TOGARAM2: variants seen among roughly 807,000 people sequenced by gnomAD.
TOGARAM2 encodes the protein TOG array regulator of axonemal microtubules 2.
TOGARAM2 carries 85 observed loss-of-function variants against 93.3 expected under a neutral mutation model. The observed-to-expected ratio is 0.91, with a 90% CI of 0.76 to 1.09. The LOEUF is 1.09. TOGARAM2 is among the 50% of genes least tolerant of loss of function. The pLI is 0.00. For missense variants in TOGARAM2, 1,277 were observed against 1,334.5 expected (o/e 0.96, Z 0.67); for synonymous variants, 593 against 552.8 (o/e 1.07, Z -1.02).
At chr2:29,032,681 C>A in intron 14 of TOGARAM2, 1 of 420,086 alleles carries the variant, frequency 2.4e-6, no homozygotes, top group East Asian at 4.5e-5. Context: ...CTGATATCAA[C>A]TAGAAAGTAA....
At chr2:29,029,770 A>G (rs1284064062) in intron 14 of TOGARAM2, among the ~76,000 whole-genome samples, 2 of 151,578 alleles carry the variant, frequency 1.3e-5, no homozygotes, top group Non-Finnish European at 2.9e-5. Context: ...AAAAAAAAGA[A>G]TGACATAATG....
At position 29,014,447 on chromosome 2, in the gene TOGARAM2, G is replaced by C. The variant is rs769133714; in HGVS notation, c.930G>C (p.Lys310Asn). 5 of 1,607,756 alleles carry C rather than the reference G, an allele frequency of 3.1e-6. No homozygotes were observed. The highest frequency in any genetic ancestry group is 3.4e-6 in the Non-Finnish European group (4 of 1,177,370). Residue 310 changes from lysine to asparagine, a missense_variant, in exon 8 of 20, where the codon AAG becomes AAC. Lys to Asn is a moderately conservative substitution (Grantham distance 94). Coordinates refer to ENST00000379558, the MANE Select transcript of TOGARAM2 (RefSeq NM_199280.4). Reference protein sequence around the residue: ...PIRDRPAAAKKPALPFSQSAP... With the variant: ...PIRDRPAAAKNPALPFSQSAP... ...GAGACAGGCCTGCCGCTGCCAAGAA[G>C]CCTGCCCTGCCTTTTTCTCAGTCTG...
rs1039369828 is a variant in TOGARAM2, at chr2:29,038,063, C to T, written c.2635+1306C>T. Among the ~76,000 whole-genome samples, 3 of 152,232 alleles carry T rather than the reference C, an allele frequency of 2.0e-5. No homozygotes were observed. The East Asian group carries it at 5.8e-4, about 29-fold the overall frequency. ...GCCTCCTTGAGCTCTGGAATTGTGG[C>T]GCTTTGGGCAAAAAATCTAGTGTCT... On this transcript the variant is annotated intron_variant, in intron 18 of 19. Coordinates refer to ENST00000379558, the MANE Select transcript of TOGARAM2 (RefSeq NM_199280.4).
In TOGARAM2 at chr2:29,024,322, G is replaced by A; in HGVS notation, c.1801G>A (p.Glu601Lys). ...CGGCCAGTCTCTGAGGGCTATGGTG[G>A]AGAATGTGACCCTTGCCCGCTCCCT... ...AAGQSLRAMV[E>K]NVTLARSLVV... The change falls in exon 13 of 20, where the codon GAG becomes AAG. Residue 601 changes from glutamate to lysine, a missense_variant. Coordinates refer to ENST00000379558, the MANE Select transcript of TOGARAM2 (RefSeq NM_199280.4). 6.2e-7 allele frequency: 1 copy of A among 1,612,938 alleles called. No individual in the cohort carries two copies. The highest frequency in any genetic ancestry group is 2.2e-5 in the East Asian group (1 of 44,856).
At position 29,011,515 on chromosome 2, in the gene TOGARAM2, A is replaced by G. The variant is rs559440033; in HGVS notation, c.877+14A>G. On this transcript the variant is annotated intron_variant, in intron 7 of 19. Transcript: ENST00000379558. Reference sequence around the variant, plus strand: ...CTGCATCTCTGGGTACGTATCTTCCATGCACACCTCCCTTTGTTATTTGAC... The same window carrying G: ...CTGCATCTCTGGGTACGTATCTTCCGTGCACACCTCCCTTTGTTATTTGAC... 1.9e-6 allele frequency: 3 copies of G among 1,598,558 alleles called. No homozygotes were observed. The Admixed American group carries it at 5.3e-5, about 28-fold the overall frequency.
At chr2:28,983,413 C>CTA (rs1672323150) in intron 1 of TOGARAM2, among the ~76,000 whole-genome samples, 2 of 151,726 alleles carry the variant, frequency 1.3e-5, no homozygotes, top group African/African-American at 2.4e-5. Context: ...TAGGGGCATA[C>CTA]CCTGTGTGGT....
chr2:28,957,270 A>T (rs899607770), intron 1 of TOGARAM2, among the ~76,000 whole-genome samples: 2 of 151,554 alleles, frequency 1.3e-5, no homozygotes, highest in African/African-American at 4.8e-5. Flanking sequence ...ATTTCGGCTC[A>T]CTGCAACTTT....
intron 18 of TOGARAM2, among the ~76,000 whole-genome samples, chr2:29,039,049 C>T (rs12611694): frequency 0.018 from 2,688 of 152,224 alleles, 92 homozygotes; most frequent in East Asian, 0.1. Context: ...ACTAAATTTC[C>T]CGCTGTCCCA....
intron 2 of TOGARAM2, among the ~76,000 whole-genome samples, chr2:28,995,085 G>A (rs1279961010): frequency 6.6e-6 from 1 of 152,250 alleles, no homozygotes; most frequent in East Asian, 1.9e-4. Flanking sequence ...TGGTGTTCCA[G>A]GGCCTTGGCC....
intron 1 of TOGARAM2, among the ~76,000 whole-genome samples, chr2:28,988,258 T>G (rs1672556115): frequency 6.6e-6 from 1 of 152,200 alleles, no homozygotes; most frequent in African/African-American, 2.4e-5. Context: ...GGTTTGGTTC[T>G]TCTAAAGTCA....
At chr2:28,994,003 C>T (rs744971) in intron 1 of TOGARAM2, among the ~76,000 whole-genome samples, 58,213 of 152,156 alleles carry the variant, frequency 0.38, 13,623 homozygotes, top group Non-Finnish European at 0.53. Context: ...TGTTACCTGT[C>T]AGGGGAAAAC....
chr2:29,003,563 C>T lies in TOGARAM2; in HGVS notation c.711C>T (p.Ile237=). 1 of 1,594,960 alleles carries T rather than the reference C, an allele frequency of 6.3e-7. No homozygotes were observed. The highest frequency in any genetic ancestry group is 1.3e-5 in the African/African-American group (1 of 74,184). Residue 237 remains isoleucine (I), a synonymous_variant, in exon 6 of 20, where the codon ATC becomes ATT. Coordinates refer to ENST00000379558, the MANE Select transcript of TOGARAM2 (RefSeq NM_199280.4). ...AGAAGTCCCTGGGCGCCATCGTGAT[C>T]CCACCCATCCCAAAGGCCAGGACGG... ...KMQKSLGAIV[I]PPIPKARTVA...
chr2:28,998,311 T>C, intron 3 of TOGARAM2, 58 bp downstream of exon 3: 1 of 1,268,570 alleles, frequency 7.9e-7, no homozygotes, highest in African/African-American at 1.5e-5. Flanking sequence ...GAGCGGGGAG[T>C]GAGTGTGGTA....
intron 1 of TOGARAM2, among the ~76,000 whole-genome samples, chr2:28,971,390 T>C (rs1190530160): frequency 6.6e-6 from 1 of 152,104 alleles, no homozygotes; most frequent in African/African-American, 2.4e-5. Flanking sequence ...TTTTAGATTT[T>C]TTGTAGAGAT....
At chr2:28,973,657 C>G (rs4666154) in intron 1 of TOGARAM2, among the ~76,000 whole-genome samples, 123,411 of 151,848 alleles carry the variant, frequency 0.81, 50,425 homozygotes, top group East Asian at 1. Flanking sequence ...CAAGTAGCTG[C>G]GACCAAAGGC....
intron 14 of TOGARAM2, among the ~76,000 whole-genome samples, chr2:29,029,492 C>G (rs1231962995): frequency 6.6e-6 from 1 of 152,174 alleles, no homozygotes; most frequent in Non-Finnish European, 1.5e-5. Context: ...TGCGGTGGCT[C>G]ACGCCTGTAA....
chr2:28,969,073 G>T (rs948987602), intron 1 of TOGARAM2, among the ~76,000 whole-genome samples: 5 of 152,162 alleles, frequency 3.3e-5, no homozygotes, highest in Admixed American at 6.5e-5. Context: ...CTCACCAGAA[G>T]AATATGCCAT....
At chr2:28,958,764 G>A (rs932070611) in intron 1 of TOGARAM2, among the ~76,000 whole-genome samples, 6 of 152,138 alleles carry the variant, frequency 3.9e-5, no homozygotes, top group African/African-American at 1.4e-4. Context: ...TCTCTGGTTA[G>A]AAGTATAATA....
At chr2:29,048,732 G>GCAGTGATGAGATCTCAGCT (rs1666892235) in intron 19 of TOGARAM2, 1 of 145,892 alleles carries the variant, frequency 6.9e-6, no homozygotes, top group Non-Finnish European at 1.5e-5. Flanking sequence ...AGGCTGGAGT[G>GCAGTGATGAGATCTCAGCT]CAGTGATGAG....
Sources: gnomAD v4.1 joint callset for allele counts (sites outside exome capture counted in the v4.1 genomes callset) on GRCh38, gnomAD v4.1.1 for gene constraint, MANE v1.5 for transcripts, NCBI Gene and HGNC (gene_info 2026-07-23, HGNC 2026-07-21) for gene names.